The following TEK variants were observed in gnomAD, a reference collection of about 807,000 sequenced individuals.
TEK encodes the protein TEK receptor tyrosine kinase.
A neutral mutation model predicts 131.8 loss-of-function variants in TEK; 43 were observed. The observed-to-expected ratio is 0.33, with a 90% confidence interval of 0.26 to 0.42. The LOEUF is 0.42. Among genes scored for constraint, TEK ranks in the 10% least tolerant of loss-of-function variants. The probability of loss-of-function intolerance (pLI) is 1.00; values close to 1 mark genes in which losing one functional copy is unlikely to be tolerated. For missense variants in TEK, 1,162 were observed against 1,384.4 expected (o/e 0.84, Z 2.55); for synonymous variants, 580 against 491.6 (o/e 1.18, Z -2.38).
intron 21 of TEK, among the ~76,000 whole-genome samples, chr9:27,221,053 G>A (rs1269651756): frequency 6.6e-6 from 1 of 152,204 alleles, no homozygotes; most frequent in Admixed American, 6.5e-5. Context: ...GTATGAAGTT[G>A]ACCTGGGGGA....
At chr9:27,138,119 C>A (rs1256007034) in intron 1 of TEK, among the ~76,000 whole-genome samples, 1 of 152,176 alleles carries the variant, frequency 6.6e-6, no homozygotes, top group East Asian at 1.9e-4. Flanking sequence ...AGCCGCAGAC[C>A]CTCTCAGTGA....
chr9:27,219,931 C>A, intron 20 of TEK, 118 bp from the exon 21 acceptor site: 1 of 1,029,180 alleles, frequency 9.7e-7, no homozygotes, highest in Non-Finnish European at 1.5e-6. Context: ...ATGCAGGATG[C>A]TCACCCTCTC....
At chr9:27,224,208 C>T (rs1315144342) in intron 21 of TEK, among the ~76,000 whole-genome samples, 3 of 152,102 alleles carry the variant, frequency 2.0e-5, no homozygotes, top group African/African-American at 4.8e-5. Flanking sequence ...ACCATTCCTT[C>T]TGCAACTATT....
At chr9:27,211,293 T>C (rs1471367530) in intron 16 of TEK, among the ~76,000 whole-genome samples, 2 of 150,006 alleles carry the variant, frequency 1.3e-5, no homozygotes, top group East Asian at 3.9e-4. Flanking sequence ...ATATTTAAAT[T>C]ATTTTAAAAT....
chr9:27,132,471 T>C (rs1330745784), intron 1 of TEK, among the ~76,000 whole-genome samples: 2 of 152,224 alleles, frequency 1.3e-5, no homozygotes, highest in African/African-American at 4.8e-5. Context: ...CATACATGAA[T>C]TAATGCAGTA....
intron 15 of TEK, among the ~76,000 whole-genome samples, chr9:27,207,731 A>T (rs1229949393): frequency 1.3e-5 from 2 of 152,166 alleles, no homozygotes; most frequent in Non-Finnish European, 2.9e-5. Flanking sequence ...AGAGCTCTCT[A>T]AGGATGCTGG....
intron 2 of TEK, among the ~76,000 whole-genome samples, chr9:27,161,239 G>C (rs1476029274): frequency 6.6e-6 from 1 of 152,216 alleles, no homozygotes; most frequent in Non-Finnish European, 1.5e-5. Context: ...ACACTAACGA[G>C]AAGATGGCTT....
At chr9:27,113,003 A>G (rs1479493517) in intron 1 of TEK, among the ~76,000 whole-genome samples, 2 of 152,198 alleles carry the variant, frequency 1.3e-5, no homozygotes, top group African/African-American at 2.4e-5. Context: ...TAGCAGAAAT[A>G]TGAAGTCCAA....
rs1426726225 is a variant in TEK at position 27,180,134 on chromosome 9, C to G, written c.902-106C>G. On this transcript the variant is annotated intron_variant, in intron 6 of 22. Transcript: ENST00000380036. ...AAATTACCCCCTACCTTACACAAAT[C>G]AGCAAAGTTGATGGCTTAGAGAGAA... 6.5e-6 allele frequency: 10 copies of G among 1,528,146 alleles called. No individual in the cohort carries two copies. In the East Asian group the frequency reaches 2.3e-4, roughly 35 times the overall value. The allele number at this position is 1,528,146 out of a possible 1,614,324, so 94.7% of individuals were successfully genotyped here. A position where few individuals can be genotyped will look rare whatever the true frequency, so the allele number is the denominator to read the frequency against.
chr9:27,213,617 A>G lies in TEK; in HGVS notation c.2991+20A>G. 1 of 1,570,656 alleles carries G rather than the reference A, an allele frequency of 6.4e-7. No individual in the cohort carries two copies. The highest frequency in any genetic ancestry group is 1.7e-4 in the Middle Eastern group (1 of 5,978). ...ACAATGGTAAGTGCCAGACACAGAC[A>G]CTGATCGCATCCTTTCCGAGGTACT... On this transcript the variant is annotated intron_variant, in intron 18 of 22. Coordinates refer to ENST00000380036, the MANE Select transcript of TEK (RefSeq NM_000459.5).
At chr9:27,174,996 T>A (rs1370608655) in intron 6 of TEK, among the ~76,000 whole-genome samples, 1 of 151,106 alleles carries the variant, frequency 6.6e-6, no homozygotes, top group African/African-American at 2.4e-5. Context: ...TTATTATTAT[T>A]ATTATTATAC....
intron 16 of TEK, chr9:27,210,549 A>G: frequency 6.1e-6 from 1 of 163,534 alleles, no homozygotes; most frequent in Non-Finnish European, 1.3e-5. Flanking sequence ...ATCTAAGAGA[A>G]TGCTGGCTCT....
At chr9:27,145,790 A>T (rs528072019) in intron 1 of TEK, among the ~76,000 whole-genome samples, 1 of 152,346 alleles carries the variant, frequency 6.6e-6, no homozygotes, top group East Asian at 1.9e-4. Context: ...TGAAGACAGA[A>T]AGCTCATTGT....
intron 1 of TEK, among the ~76,000 whole-genome samples, chr9:27,137,055 A>G (rs552997646): frequency 2.7e-4 from 41 of 152,206 alleles, no homozygotes; most frequent in Admixed American, 2.5e-3. Context: ...AGCTGGGACT[A>G]TAGGCGCCTG....
chr9:27,162,840 C>A (rs1487530058), intron 2 of TEK, among the ~76,000 whole-genome samples: 1 of 152,012 alleles, frequency 6.6e-6, no homozygotes, highest in Non-Finnish European at 1.5e-5. Context: ...CTCAGCCTCC[C>A]GAGCAGCTGG....
At chr9:27,171,511 T>C (rs1418831371) in intron 4 of TEK, among the ~76,000 whole-genome samples, 1 of 152,024 alleles carries the variant, frequency 6.6e-6, no homozygotes, top group Admixed American at 6.6e-5. Context: ...AAAATGACAA[T>C]AGAAGTATGA....
At chr9:27,116,792 A>C (rs1473360880) in intron 1 of TEK, among the ~76,000 whole-genome samples, 1 of 152,168 alleles carries the variant, frequency 6.6e-6, no homozygotes, top group Non-Finnish European at 1.5e-5. Flanking sequence ...TGACAGGAGA[A>C]GCAAAACCAA....
At chr9:27,140,799 A>G (rs1053760688) in intron 1 of TEK, among the ~76,000 whole-genome samples, 6 of 152,036 alleles carry the variant, frequency 3.9e-5, no homozygotes, top group African/African-American at 1.4e-4. Context: ...ATTTGATCCT[A>G]TATGATTTGG....
At chr9:27,130,379 A>G (rs1324116185) in intron 1 of TEK, among the ~76,000 whole-genome samples, 7 of 152,210 alleles carry the variant, frequency 4.6e-5, no homozygotes, top group Non-Finnish European at 1.0e-4. Flanking sequence ...TAAATTCAAA[A>G]TGGATTAAAA....
Sources: gnomAD v4.1 joint callset for allele counts (sites outside exome capture counted in the v4.1 genomes callset) on GRCh38, gnomAD v4.1.1 for gene constraint, MANE v1.5 for transcripts, NCBI Gene and HGNC (gene_info 2026-07-23, HGNC 2026-07-21) for gene names.